ADAM2: variants seen among roughly 807,000 people sequenced by gnomAD.
ADAM2 encodes the protein disintegrin and metalloproteinase domain-containing protein 2.
ADAM2 carries 101 observed loss-of-function variants against 99.3 expected under a neutral mutation model. That is an observed-to-expected ratio of 1.02 (90% confidence interval 0.87 to 1.20). The LOEUF is 1.20. Ranked by LOEUF, ADAM2 falls within the 50% of genes most tolerant of loss-of-function variation. The pLI is 0.00. For synonymous variants in ADAM2, 323 were observed against 287.6 expected (o/e 1.12, Z -1.25); for missense variants, 948 against 878.7 (o/e 1.08, Z -1.00).
In ADAM2 at chr8:39,810,969, A is replaced by C. The variant is rs1804668685; in HGVS notation, c.514-1503T>G. Reference sequence around the variant, plus strand: ...CTGAAGGAGATAGAGACCAAAAAAAAACCCTTCAAAAAAATCAATGAATCC... The same window carrying C: ...CTGAAGGAGATAGAGACCAAAAAAACACCCTTCAAAAAAATCAATGAATCC... On this transcript the variant is annotated intron_variant, in intron 6 of 20. Transcript: ENST00000265708. 2.0e-5 allele frequency among the ~76,000 whole-genome samples: 3 copies of C among 152,300 alleles called. No homozygotes were observed. In the South Asian group the frequency reaches 6.2e-4, roughly 32 times the overall value.
intron 7 of ADAM2, among the ~76,000 whole-genome samples, chr8:39,800,878 T>A (rs1804178951): frequency 6.6e-6 from 1 of 152,206 alleles, no homozygotes; most frequent in African/African-American, 2.4e-5. Context: ...CTCCATCAGA[T>A]CGTTTATGTT....
intron 2 of ADAM2, among the ~76,000 whole-genome samples, chr8:39,834,634 C>A (rs1011012711): frequency 6.9e-6 from 1 of 145,340 alleles, no homozygotes; most frequent in East Asian, 2.0e-4. Flanking sequence ...CTGGGGAGGC[C>A]GAGACAGGAG....
chr8:39,822,114 T>C (rs1805214655), intron 4 of ADAM2, among the ~76,000 whole-genome samples: 1 of 152,182 alleles, frequency 6.6e-6, no homozygotes, highest in Non-Finnish European at 1.5e-5. Flanking sequence ...CCAAATACCA[T>C]ACTTCATGGA....
rs1802586445 is a variant in ADAM2 at position 39,766,893 on chromosome 8, C to T, written c.1462G>A (p.Val488Ile). Residue 488 changes from valine (V) to isoleucine (I), a missense_variant, in exon 14 of 21, where the codon GTT (valine) becomes ATT (isoleucine). Val to Ile is a conservative substitution (Grantham distance 29). Coordinates refer to ENST00000265708, the MANE Select transcript of ADAM2 (RefSeq NM_001464.5). Reference sequence around the variant, plus strand: ...CATTGTTTATCCCCACTCATACAAACTCCATCTATACAGATCCATTGATTC... The same window carrying T: ...CATTGTTTATCCCCACTCATACAAATTCCATCTATACAGATCCATTGATTC... ...GLNQWICIDGVCMSGDKQCTD... is the reference protein window; with the variant it reads ...GLNQWICIDGICMSGDKQCTD... 9 of 1,612,068 alleles carry T rather than the reference C, an allele frequency of 5.6e-6. No individual in the cohort carries two copies. Among genetic ancestry groups the T allele is most frequent in the Middle Eastern group, 1.7e-4 (1 of 6,040 alleles).
intron 2 of ADAM2, among the ~76,000 whole-genome samples, chr8:39,834,953 T>G (rs1805763670): frequency 6.6e-6 from 1 of 152,118 alleles, no homozygotes; most frequent in Non-Finnish European, 1.5e-5. Flanking sequence ...CTCAGATTCC[T>G]TGTTCTTGCA....
intron 7 of ADAM2, among the ~76,000 whole-genome samples, chr8:39,796,055 C>CT (rs999034743): frequency 1.7e-4 from 26 of 150,492 alleles, no homozygotes; most frequent in African/African-American, 5.1e-4. Flanking sequence ...ATTAGATTCT[C>CT]TTTTTTTTTC....
At chr8:39,761,055 A>G (rs1268931417) in intron 15 of ADAM2, 121 bp downstream of exon 15, 1 of 512,482 alleles carries the variant, frequency 2.0e-6, no homozygotes, top group Non-Finnish European at 3.3e-6. Context: ...TATAATTTGA[A>G]TAAACATGGT....
rs561737456 is a variant in ADAM2, at chr8:39,767,128, T to C, written c.1311+25A>G. 2.7e-4 allele frequency: 437 copies of C among 1,598,956 alleles called. 5 individuals are homozygous for C. The South Asian group carries it at 3.4e-3, about 12-fold the overall frequency. ...ATGATAACTACTTATGTAGGTAATA[T>C]TGAAATTTTTCAAAAAGCTCTTACT... On this transcript the variant is annotated intron_variant, in intron 13 of 20. Transcript: ENST00000265708.
intron 10 of ADAM2, among the ~76,000 whole-genome samples, chr8:39,785,912 T>A (rs1803448808): frequency 6.6e-6 from 1 of 152,002 alleles, no homozygotes; most frequent in Non-Finnish European, 1.5e-5. Context: ...GGAATCAGCC[T>A]AAGTGTCCGT....
chr8:39,788,174 AGTG>A lies in ADAM2; in HGVS notation c.717_719del (p.Thr240del), dbSNP rs1455916936. The A allele has an allele frequency of 1.3e-6, 2 of 1,589,004 alleles. No individual in the cohort carries two copies. The highest frequency in any genetic ancestry group is 2.7e-5 in the African/African-American group (2 of 73,836). On this transcript the variant is annotated inframe_deletion, in exon 9 of 21. Transcript: ENST00000265708. ...TGTGTAATAACTCATTAGCTTCTCC[AGTG>A]GTTGCAATTTTATTTTCATCTATCC... is the stretch of plus-strand genomic sequence containing the variant.
chr8:39,798,827 T>C (rs1379583377), intron 7 of ADAM2, among the ~76,000 whole-genome samples: 1 of 152,182 alleles, frequency 6.6e-6, no homozygotes, highest in Non-Finnish European at 1.5e-5. Context: ...TTTTTTTGCA[T>C]AGAGGTGTTT....
At chr8:39,777,697 G>A (rs1489522640) in intron 10 of ADAM2, among the ~76,000 whole-genome samples, 28 of 151,824 alleles carry the variant, frequency 1.8e-4, no homozygotes, top group Non-Finnish European at 1.5e-5. Context: ...TGTTCCTAAT[G>A]CAAAGAAATG....
chr8:39,779,977 T>C (rs995681227), intron 10 of ADAM2, among the ~76,000 whole-genome samples: 1 of 152,176 alleles, frequency 6.6e-6, no homozygotes, highest in Non-Finnish European at 1.5e-5. Context: ...TTCACGCCAA[T>C]TCAAAGAGTG....
rs1185804366 is a variant in ADAM2, at chr8:39,743,881, G to T, written c.*214C>A. ...CTTTAAAAAAACAGAAATTTGTAAT[G>T]TAAAACTCATTATCATGCATTTTTA... is the stretch of plus-strand genomic sequence containing the variant. On this transcript the variant is annotated 3_prime_UTR_variant, in exon 21 of 21. Transcript: ENST00000265708. 1 of 152,054 alleles carries T rather than the reference G, an allele frequency of 6.6e-6. No homozygotes were observed. The highest frequency in any genetic ancestry group is 1.5e-5 in the Non-Finnish European group (1 of 67,980). 9.4% of individuals were successfully genotyped at this position (152,054 alleles called of 1,614,324 possible).
At chr8:39,819,042 G>A (rs193223479) in intron 6 of ADAM2, among the ~76,000 whole-genome samples, 2 of 151,886 alleles carry the variant, frequency 1.3e-5, no homozygotes, top group African/African-American at 4.8e-5. Flanking sequence ...TTTAAAATAC[G>A]TTTGGAAATG....
intron 3 of ADAM2, among the ~76,000 whole-genome samples, chr8:39,832,961 C>A (rs1032136710): frequency 6.6e-5 from 10 of 151,984 alleles, no homozygotes; most frequent in Admixed American, 2.0e-4. Context: ...CATTTTAATT[C>A]AGATATTCTT....
intron 12 of ADAM2, among the ~76,000 whole-genome samples, chr8:39,768,616 A>G (rs1802657557): frequency 6.6e-6 from 1 of 152,196 alleles, no homozygotes; most frequent in Non-Finnish European, 1.5e-5. Flanking sequence ...TTCTGGCTCC[A>G]TAGTGAAAGC....
intron 7 of ADAM2, among the ~76,000 whole-genome samples, chr8:39,806,052 T>C (rs899234251): frequency 6.6e-6 from 1 of 152,078 alleles, no homozygotes; most frequent in Non-Finnish European, 1.5e-5. Flanking sequence ...GTAGAGGAGA[T>C]GGGAGTAAGT....
chr8:39,800,103 C>A (rs1804138096), intron 7 of ADAM2, among the ~76,000 whole-genome samples: 1 of 152,114 alleles, frequency 6.6e-6, no homozygotes, highest in African/African-American at 2.4e-5. Flanking sequence ...CTGGTTGATG[C>A]AGTTTCTTTG....
Sources: gnomAD v4.1 joint callset for allele counts (sites outside exome capture counted in the v4.1 genomes callset) on GRCh38, gnomAD v4.1.1 for gene constraint, MANE v1.5 for transcripts, NCBI Gene and HGNC (gene_info 2026-07-23, HGNC 2026-07-21) for gene names.